CEP112: variants seen among roughly 807,000 people sequenced by gnomAD.
CEP112 encodes centrosomal protein 112.
Under a neutral mutation model 153.0 loss-of-function variants are expected in CEP112, and 127 were observed. That is an observed-to-expected ratio of 0.83 (90% CI 0.72 to 0.96). The LOEUF (loss-of-function observed/expected upper bound fraction) is 0.96. Among genes scored for constraint, CEP112 ranks in the 40% least tolerant of loss-of-function variants. The pLI is 0.00. For synonymous variants in CEP112, 358 were observed against 374.4 expected, an observed-to-expected ratio of 0.96 and a Z score of 0.51; for missense variants, 1,089 against 1,101.2, an observed-to-expected ratio of 0.99 and a Z score of 0.16.
At chr17:66,165,852 G>A (rs944709609) in intron 4 of CEP112, among the ~76,000 whole-genome samples, 30 of 152,160 alleles carry the variant, frequency 2.0e-4, no homozygotes, top group African/African-American at 7.2e-4. Context: ...ATCATAAAGA[G>A]GATCATTATA....
chr17:66,132,861 T>C, intron 4 of CEP112, 98 bp from the exon 5 acceptor site: 2 of 838,472 alleles, frequency 2.4e-6, no homozygotes, highest in Middle Eastern at 2.2e-4. Flanking sequence ...GGAACTGAGA[T>C]GATAGTTTGT....
At chr17:65,836,057 A>G (rs1418121699) in intron 21 of CEP112, among the ~76,000 whole-genome samples, 1 of 152,226 alleles carries the variant, frequency 6.6e-6, no homozygotes. Context: ...GTTTAAAATA[A>G]CCTCTTATAA....
At position 65,760,848 on chromosome 17, in the gene CEP112, A is replaced by G. The variant is rs1350251045; in HGVS notation, c.2395-10124T>C. ...ATAATTTCTTCCTTAAAAGTTTGGC[A>G]GAATTTACCATTGAATCCATGTAGG... On this transcript the variant is annotated intron_variant, in intron 21 of 26. Coordinates refer to ENST00000535342, the MANE Select transcript of CEP112 (RefSeq NM_001199165.4). 2.0e-5 allele frequency among the ~76,000 whole-genome samples: 3 copies of G among 152,252 alleles called. No homozygotes were observed. In the East Asian group the frequency reaches 5.8e-4, roughly 29 times the overall value.
chr17:65,880,906 C>G (rs2059039797), intron 20 of CEP112, among the ~76,000 whole-genome samples: 1 of 152,106 alleles, frequency 6.6e-6, no homozygotes, highest in East Asian at 1.9e-4. Context: ...AATGAGAAAG[C>G]CTATAATTAT....
chr17:65,991,769 T>C (rs7209001), intron 17 of CEP112, among the ~76,000 whole-genome samples: 88,785 of 151,786 alleles, frequency 0.58, 27,346 homozygotes, highest in African/African-American at 0.72. Context: ...TTTTAAATAT[T>C]ACTATTAATT....
At chr17:65,936,833 C>T (rs2061326990) in intron 18 of CEP112, among the ~76,000 whole-genome samples, 1 of 109,622 alleles carries the variant, frequency 9.1e-6, no homozygotes, top group Non-Finnish European at 2.0e-5. Flanking sequence ...GTCTCCCTCT[C>T]CCTCTCTTTC....
intron 21 of CEP112, among the ~76,000 whole-genome samples, chr17:65,774,970 G>A (rs9972947): frequency 0.5 from 76,397 of 151,656 alleles, 20,845 homozygotes; most frequent in Non-Finnish European, 0.62. Flanking sequence ...CAGGAAAGGA[G>A]TAGTAGCAGC....
chr17:65,897,586 G>A (rs914974366), intron 20 of CEP112, among the ~76,000 whole-genome samples: 1 of 152,028 alleles, frequency 6.6e-6, no homozygotes, highest in South Asian at 2.1e-4. Flanking sequence ...CTGGCACAGT[G>A]ATGAAACAAC....
chr17:65,947,716 A>C (rs1468435531), intron 18 of CEP112, among the ~76,000 whole-genome samples: 2 of 152,166 alleles, frequency 1.3e-5, no homozygotes, highest in African/African-American at 4.8e-5. Flanking sequence ...TTTAGAATTC[A>C]TTAATTATCA....
At chr17:65,727,053 T>C (rs931894436) in intron 23 of CEP112, among the ~76,000 whole-genome samples, 1 of 152,196 alleles carries the variant, frequency 6.6e-6, no homozygotes, top group Non-Finnish European at 1.5e-5. Context: ...TGAATGTTGG[T>C]AGATAAGACC....
chr17:66,061,524 G>GT (rs1424350270), intron 11 of CEP112, among the ~76,000 whole-genome samples: 9 of 151,572 alleles, frequency 5.9e-5, no homozygotes, highest in African/African-American at 2.2e-4. Flanking sequence ...TGAAATCAAT[G>GT]TAAGTGCCCA....
At chr17:65,921,533 G>C (rs1163863461) in intron 19 of CEP112, among the ~76,000 whole-genome samples, 1 of 151,920 alleles carries the variant, frequency 6.6e-6, no homozygotes, top group African/African-American at 2.4e-5. Flanking sequence ...TCTTTCCTTA[G>C]TGAACTACCA....
At chr17:66,096,501 G>A (rs186233938) in intron 7 of CEP112, 84 bp downstream of exon 7, 120 of 1,145,132 alleles carry the variant, frequency 1.0e-4, no homozygotes, top group Middle Eastern at 1.0e-3. Context: ...ATGTAGATCC[G>A]CATTATTTTC....
At chr17:65,852,793 T>G (rs557962619) in intron 20 of CEP112, among the ~76,000 whole-genome samples, 108 of 152,140 alleles carry the variant, frequency 7.1e-4, no homozygotes, top group Non-Finnish European at 1.2e-3. Context: ...TCTTCCTACT[T>G]TCCTAAGGTT....
chr17:65,949,470 G>C (rs756527454), intron 18 of CEP112, among the ~76,000 whole-genome samples: 7 of 152,196 alleles, frequency 4.6e-5, no homozygotes, highest in Non-Finnish European at 8.8e-5. Context: ...GCCTGGTGAG[G>C]GCTGCTCAGA....
At chr17:65,828,633 T>C (rs1366787940) in intron 21 of CEP112, among the ~76,000 whole-genome samples, 1 of 152,192 alleles carries the variant, frequency 6.6e-6, no homozygotes, top group Non-Finnish European at 1.5e-5. Context: ...GGTTCCCTCT[T>C]ACAGCAACTT....
chr17:66,162,072 A>G (rs530880940), intron 4 of CEP112, among the ~76,000 whole-genome samples: 53 of 152,306 alleles, frequency 3.5e-4, no homozygotes, highest in Non-Finnish European at 6.8e-4. Context: ...AGATATTTGC[A>G]ATACATATAT....
At chr17:65,865,540 G>A (rs374594014) in intron 20 of CEP112, among the ~76,000 whole-genome samples, 1 of 152,196 alleles carries the variant, frequency 6.6e-6, no homozygotes, top group Non-Finnish European at 1.5e-5. Context: ...CCCTTGCACA[G>A]CTGGGCAGGA....
At chr17:65,731,217 G>A (rs190572396) in intron 23 of CEP112, among the ~76,000 whole-genome samples, 8 of 152,184 alleles carry the variant, frequency 5.3e-5, no homozygotes, top group Admixed American at 5.2e-4. Context: ...GCATACCGCG[G>A]AGATACTCCA....
Sources: allele counts gnomAD v4.1 joint callset (sites outside exome capture counted in the v4.1 genomes callset), GRCh38; gene constraint gnomAD v4.1.1; transcripts MANE v1.5; gene names NCBI Gene and HGNC (gene_info 2026-07-23, HGNC 2026-07-21).